Variants in RASEF observed in about 807,000 individuals in gnomAD.
RASEF encodes ras and EF-hand domain-containing protein.
In RASEF, 68 loss-of-function variants were observed where a neutral mutation model predicts 90.1. The observed-to-expected ratio is 0.75, with a 90% CI of 0.62 to 0.92. The LOEUF is 0.92. Ranked by LOEUF, RASEF falls within the 40% of genes least tolerant of loss-of-function variation. The pLI, the probability that RASEF is intolerant of heterozygous loss-of-function variation, is 0.00. For synonymous variants in RASEF, 331 were observed against 345.2 expected (o/e 0.96, Z 0.46); for missense variants, 949 against 937.2 (o/e 1.01, Z -0.16).
At chr9:83,213,524 T>C in the RASEF span, among the ~76,000 whole-genome samples, 1 of 152,180 alleles carries the variant, frequency 6.6e-6, no homozygotes, top group Non-Finnish European at 1.5e-5. Context: ...ATACAATATC[T>C]GTCTCATTTA....
At chr9:83,076,940 T>C in the RASEF span, among the ~76,000 whole-genome samples, 1 of 152,206 alleles carries the variant, frequency 6.6e-6, no homozygotes, top group Admixed American at 6.5e-5. Context: ...GACTGAAAAA[T>C]TTTTAGTTTT....
At chr9:83,080,102 G>A in the RASEF span, among the ~76,000 whole-genome samples, 1 of 152,180 alleles carries the variant, frequency 6.6e-6, no homozygotes, top group African/African-American at 2.4e-5. Context: ...TACCACATTT[G>A]TGCCCTCCAA....
chr9:83,058,214 G>A lies in RASEF; in HGVS notation c.431+4223C>T, dbSNP rs553790071. On this transcript the variant is annotated intron_variant, in intron 1 of 16. Transcript: ENST00000376447. ...TTTTTTTTTTTTGAGAAGGAGTCTC[G>A]CTCTGTCGCCCAGGCTGGAGTGCAG... is the stretch of plus-strand genomic sequence containing the variant. Among the ~76,000 whole-genome samples the A allele has an allele frequency of 4.0e-3, 443 of 109,530 alleles. 4 individuals carry two copies. Among genetic ancestry groups the A allele is most frequent in the Admixed American group, 0.032 (237 of 7,414 alleles). The allele number at this position is 109,530 out of a possible 152,430, so 71.9% of individuals were successfully genotyped here.
Position 83,000,520 on chromosome 9 carries a change from G to T in RASEF, c.1488C>A (p.Ser496=). 2 of 1,613,468 alleles carry T rather than the reference G, an allele frequency of 1.2e-6. No individual in the cohort carries two copies. The highest frequency in any genetic ancestry group is 2.2e-5 in the South Asian group (2 of 91,050). ...EETFGLEDVA[S]VLDWKPQGSV... ...ACCCTTGGGGCTTCCAGTCTAAGAC[G>T]GAAGCCACATCTTCTAAACCAAATG... The change falls in exon 11 of 17, where the codon TCC becomes TCA. Residue 496 remains serine (S), a synonymous_variant. Transcript: ENST00000376447.
At chr9:83,076,267 A>G in the RASEF span, among the ~76,000 whole-genome samples, 2 of 152,202 alleles carry the variant, frequency 1.3e-5, no homozygotes, top group African/African-American at 2.4e-5. Context: ...CTCTTTACCA[A>G]TACTTTTGAG....
At chr9:83,033,539 G>A (rs1167929493) in intron 1 of RASEF, among the ~76,000 whole-genome samples, 5 of 152,158 alleles carry the variant, frequency 3.3e-5, no homozygotes, top group Admixed American at 6.5e-5. Flanking sequence ...GCAGGAGCCC[G>A]ATGAGCACAT....
chr9:83,055,772 A>G (rs1239991238), intron 1 of RASEF: 1 of 658,720 alleles, frequency 1.5e-6, no homozygotes, highest in Non-Finnish European at 2.8e-6. Flanking sequence ...CAAAATGAAA[A>G]TAAGAATATT....
chr9:83,076,776 G>A, the RASEF span, among the ~76,000 whole-genome samples: 1 of 152,094 alleles, frequency 6.6e-6, no homozygotes, highest in South Asian at 2.1e-4. Flanking sequence ...CAAAAAGCTT[G>A]GATTTCACAG....
intron 5 of RASEF, among the ~76,000 whole-genome samples, chr9:83,010,769 G>A (rs1391038094): frequency 6.6e-6 from 1 of 152,028 alleles, no homozygotes; most frequent in Non-Finnish European, 1.5e-5. Flanking sequence ...GGTAACTGGG[G>A]TCCCCTGCCA....
rs778705699 is a variant in RASEF, at chr9:83,062,546, C to T, written c.322G>A (p.Asp108Asn). The change falls in exon 1 of 17, where the codon GAC (aspartate) becomes AAC (asparagine). Residue 108 changes from aspartate to asparagine, a missense_variant. Asp to Asn is a conservative substitution (Grantham distance 23). Transcript: ENST00000376447. ...GCCAGCGCCGCCGCCGCGTCCTCGT[C>T]GCCTTCGTCCTCCTCGCTGTCGTGT... ...ETHDSEEDEG[D>N]EDAAAALATS... is the part of the protein sequence containing the mutation. 1.2e-6 allele frequency: 2 copies of T among 1,603,934 alleles called. No individual in the cohort carries two copies. Among genetic ancestry groups the T allele is most frequent in the South Asian group, 1.1e-5 (1 of 90,182 alleles).
At chr9:83,173,367 A>C in the RASEF span, among the ~76,000 whole-genome samples, 1 of 151,574 alleles carries the variant, frequency 6.6e-6, no homozygotes, top group Non-Finnish European at 1.5e-5. Context: ...ATGGCCACCG[A>C]CTCAAGATTT....
At chr9:83,110,152 C>T in the RASEF span, among the ~76,000 whole-genome samples, 1 of 152,154 alleles carries the variant, frequency 6.6e-6, no homozygotes, top group Non-Finnish European at 1.5e-5. Flanking sequence ...ATGCTTCAGC[C>T]TATGCAAAGC....
At chr9:83,115,151 G>T in the RASEF span, among the ~76,000 whole-genome samples, 1 of 152,086 alleles carries the variant, frequency 6.6e-6, no homozygotes, top group South Asian at 2.1e-4. Flanking sequence ...AATATCGGGG[G>T]TGAATTTCAC....
At chr9:83,040,450 A>G (rs1829818365) in intron 1 of RASEF, among the ~76,000 whole-genome samples, 1 of 152,236 alleles carries the variant, frequency 6.6e-6, no homozygotes, top group African/African-American at 2.4e-5. Flanking sequence ...AAGACAACAT[A>G]TTGCATACAT....
rs780097994 is a variant in RASEF, at chr9:83,062,756, T to C, written c.112A>G (p.Thr38Ala). Reference sequence around the variant, plus strand: ...TCGGCCGGCCGCACCCGCAGCTCCGTGCACAGTGCCCGGAACTCCTCGCGC... The same window carrying C: ...TCGGCCGGCCGCACCCGCAGCTCCGCGCACAGTGCCCGGAACTCCTCGCGC... ...LEREEFRALC[T>A]ELRVRPADAE... The change falls in exon 1 of 17, where the codon ACG becomes GCG. Residue 38 changes from threonine (T) to alanine (A), a missense_variant. Physicochemically the swap from Thr to Ala is moderately conservative, Grantham distance 58 (BLOSUM62 0). Around this residue, in one of 3 missense-constraint regions of RASEF, gnomAD observed 656 missense variants for 592.2 expected, o/e 1.11. Coordinates refer to ENST00000376447, the MANE Select transcript of RASEF (RefSeq NM_152573.4). 3 of 1,567,246 alleles carry C rather than the reference T, an allele frequency of 1.9e-6. No individual in the cohort carries two copies. Among genetic ancestry groups the C allele is most frequent in the South Asian group, 2.3e-5 (2 of 86,616 alleles).
At chr9:83,164,324 A>AAT in the RASEF span, among the ~76,000 whole-genome samples, 1 of 125,212 alleles carries the variant, frequency 8.0e-6, no homozygotes, top group Non-Finnish European at 1.7e-5. Context: ...AACGTATTCA[A>AAT]ATATATATAT....
At chr9:83,004,120 C>G (rs1397893650) in intron 9 of RASEF, among the ~76,000 whole-genome samples, 2 of 152,048 alleles carry the variant, frequency 1.3e-5, no homozygotes, top group African/African-American at 4.8e-5. Flanking sequence ...TTATGCTGAG[C>G]TATTAAATAT....
Position 83,062,886 on chromosome 9 carries a change from C to G in RASEF, c.-19G>C. ...CCTCCATCCCGCCTGGCGGGGGCGG[C>G]CGAGAGGGCTCCGGAGCGCCGCGGG... On this transcript the variant is annotated 5_prime_UTR_variant, in exon 1 of 17. Coordinates refer to ENST00000376447, the MANE Select transcript of RASEF (RefSeq NM_152573.4). 2.1e-6 allele frequency: 3 copies of G among 1,453,456 alleles called. No homozygotes were observed. Among genetic ancestry groups the G allele is most frequent in the Non-Finnish European group, 2.7e-6 (3 of 1,114,364 alleles). 90.0% of individuals were successfully genotyped at this position (1,453,456 alleles called of 1,614,324 possible).
the RASEF span, among the ~76,000 whole-genome samples, chr9:83,211,198 C>T: frequency 6.6e-6 from 1 of 152,302 alleles, no homozygotes; most frequent in African/African-American, 2.4e-5. Flanking sequence ...CTTTCCTTGA[C>T]TTAATGATGT....
Sources: gnomAD v4.1 joint callset for allele counts (sites outside exome capture counted in the v4.1 genomes callset) on GRCh38, gnomAD v4.1.1 for gene constraint, gnomAD v4.1.1 regional missense constraint, MANE v1.5 for transcripts, NCBI Gene and HGNC (gene_info 2026-07-23, HGNC 2026-07-21) for gene names.